Variants in AMMECR1 observed in about 807,000 individuals in gnomAD.
AMMECR1 encodes the protein nuclear protein AMMECR1.
In AMMECR1, 3 loss-of-function variants were observed where a neutral mutation model predicts 22.5. The ratio of observed to expected loss-of-function variants is 0.13; its 90% CI spans 0.06 to 0.35. The LOEUF is 0.35. Among genes scored for constraint, AMMECR1 ranks in the 10% least tolerant of loss-of-function variants. The probability of loss-of-function intolerance (pLI) is 1.00; values close to 1 mark genes in which losing one functional copy is unlikely to be tolerated. For synonymous variants in AMMECR1, 130 were observed against 116.7 expected (o/e 1.11, Z -0.74); for missense variants, 235 against 278.7 (o/e 0.84, Z 1.12).
chrX:110,307,853 C>CTT (rs1158202877), intron 1 of AMMECR1, among the ~76,000 whole-genome samples: 1 of 90,986 alleles, frequency 1.1e-5, no homozygotes, highest in African/African-American at 4.0e-5. Flanking sequence ...CTGCTAGAAA[C>CTT]TTTTTTTTTT....
At chrX:110,417,953 A>G (rs1280521392) in intron 2 of AMMECR1, among the ~76,000 whole-genome samples, 1 of 112,819 alleles carries the variant, frequency 8.9e-6, no homozygotes, top group Non-Finnish European at 1.9e-5. Flanking sequence ...ACAGGGTGCC[A>G]TGTTCAGGGG....
intron 2 of AMMECR1, among the ~76,000 whole-genome samples, chrX:110,423,435 T>C (rs1345022690): frequency 9.0e-6 from 1 of 111,639 alleles, no homozygotes; most frequent in Non-Finnish European, 1.9e-5. Flanking sequence ...TGTGGTGGCA[T>C]CATGACTTCT....
chrX:110,216,005 AGAGTGTTT>A (rs2067471872), intron 3 of AMMECR1, among the ~76,000 whole-genome samples: 3 of 112,455 alleles, frequency 2.7e-5, no homozygotes, highest in Non-Finnish European at 3.8e-5. Context: ...ATTATTTGTT[AGAGTGTTT>A]AAGTGTATAA....
At chrX:110,300,088 T>C (rs1271444351) in intron 1 of AMMECR1, among the ~76,000 whole-genome samples, 1 of 112,199 alleles carries the variant, frequency 8.9e-6, no homozygotes, top group Non-Finnish European at 1.9e-5. Context: ...ATTTCCAATT[T>C]TCTGAGGAAC....
chrX:110,437,448 G>C (rs2068847231), intron 1 of AMMECR1, among the ~76,000 whole-genome samples: 1 of 112,045 alleles, frequency 8.9e-6, no homozygotes, highest in South Asian at 3.8e-4. Flanking sequence ...GGTTTAGATA[G>C]GTTATACCAC....
intron 2 of AMMECR1, among the ~76,000 whole-genome samples, chrX:110,392,582 C>T (rs2068502407): frequency 1.8e-5 from 2 of 112,131 alleles, no homozygotes; most frequent in Admixed American, 9.4e-5. Context: ...TGTGCCCAGC[C>T]TTCTACCACA....
chrX:110,344,290 T>C (rs2068178402), intron 2 of AMMECR1, among the ~76,000 whole-genome samples: 3 of 112,271 alleles, frequency 2.7e-5, no homozygotes, highest in African/African-American at 9.7e-5. Flanking sequence ...TGGCTAGCCA[T>C]ATGTAGAAAG....
At chrX:110,241,774 G>T (rs191634806) in intron 2 of AMMECR1, among the ~76,000 whole-genome samples, 7 of 110,929 alleles carry the variant, frequency 6.3e-5, no homozygotes, top group African/African-American at 2.3e-4. Flanking sequence ...TGCCCCTGAG[G>T]TTATAGACCG....
chrX:110,340,867 G>A (rs2068161595), intron 2 of AMMECR1, among the ~76,000 whole-genome samples: 1 of 112,403 alleles, frequency 8.9e-6, no homozygotes, highest in African/African-American at 3.2e-5. Flanking sequence ...CAATATTACT[G>A]TCATATCCAT....
At chrX:110,256,580 A>G (rs1283168929) in intron 2 of AMMECR1, among the ~76,000 whole-genome samples, 5 of 111,722 alleles carry the variant, frequency 4.5e-5, no homozygotes, top group Non-Finnish European at 9.4e-5. Flanking sequence ...TGTAAGAAAA[A>G]CTAGAGTTGT....
intron 2 of AMMECR1, among the ~76,000 whole-genome samples, chrX:110,394,247 T>G (rs1229041454): frequency 8.9e-6 from 1 of 112,346 alleles, no homozygotes; most frequent in East Asian, 2.8e-4. Flanking sequence ...TTTTTGTTTG[T>G]TTGTTTTTTT....
intron 2 of AMMECR1, among the ~76,000 whole-genome samples, chrX:110,411,922 A>G (rs2068644224): frequency 8.9e-6 from 1 of 112,556 alleles, no homozygotes; most frequent in Non-Finnish European, 1.9e-5. Flanking sequence ...GGTACTCAAT[A>G]AATACTTGTT....
intron 1 of AMMECR1, among the ~76,000 whole-genome samples, chrX:110,307,515 G>C (rs2068002742): frequency 9.0e-6 from 1 of 111,637 alleles, no homozygotes; most frequent in Non-Finnish European, 1.9e-5. Context: ...TAATAACTGT[G>C]AGCAAACTAC....
At chrX:110,302,502 T>C (rs189514250) in intron 1 of AMMECR1, among the ~76,000 whole-genome samples, 8 of 112,043 alleles carry the variant, frequency 7.1e-5, no homozygotes, top group Admixed American at 6.6e-4. Context: ...GCTACCAAGC[T>C]TTCAAATATT....
intron 1 of AMMECR1, among the ~76,000 whole-genome samples, chrX:110,275,642 C>T (rs1602851588): frequency 2.7e-5 from 3 of 110,435 alleles, no homozygotes; most frequent in African/African-American, 9.9e-5. Flanking sequence ...ACCAGCCTGA[C>T]CAACATGGAG....
chrX:110,378,639 T>C (rs918781355), intron 2 of AMMECR1, among the ~76,000 whole-genome samples: 1 of 112,226 alleles, frequency 8.9e-6, no homozygotes, highest in Non-Finnish European at 1.9e-5. Flanking sequence ...GAGCACACCC[T>C]ATACTTTCCA....
intron 2 of AMMECR1, among the ~76,000 whole-genome samples, chrX:110,375,162 T>C: frequency 9.0e-6 from 1 of 111,505 alleles, no homozygotes; most frequent in Non-Finnish European, 1.9e-5. Flanking sequence ...GTAATAAAAC[T>C]GGAATTGCAA....
upstream of AMMECR1, among the ~76,000 whole-genome samples, chrX:110,321,517 G>T (rs2068078954): frequency 1.8e-5 from 2 of 111,875 alleles, no homozygotes; most frequent in South Asian, 7.4e-4. Context: ...CAGAGGTTAT[G>T]CATATTATTT....
intron 2 of AMMECR1, among the ~76,000 whole-genome samples, chrX:110,380,350 A>G (rs56306795): frequency 0.041 from 4,294 of 104,042 alleles, 209 homozygotes; most frequent in African/African-American, 0.17. Flanking sequence ...TACAATAGCC[A>G]TACAAAAAAA....
Sources: allele counts gnomAD v4.1 joint callset (sites outside exome capture counted in the v4.1 genomes callset), GRCh38; gene constraint gnomAD v4.1.1; transcripts MANE v1.5; gene names NCBI Gene and HGNC (gene_info 2026-07-23, HGNC 2026-07-21).